XDH: variants seen among roughly 807,000 people sequenced by gnomAD.
The protein encoded by XDH is xanthine dehydrogenase.
In XDH, 138 loss-of-function variants were observed where a neutral mutation model predicts 156.1. That is an observed-to-expected ratio of 0.88 (90% CI 0.77 to 1.02). The LOEUF (loss-of-function observed/expected upper bound fraction) is 1.02. XDH is among the 50% of genes least tolerant of loss of function. The pLI, the probability that XDH is intolerant of heterozygous loss-of-function variation, is 0.00. For synonymous variants in XDH, 669 were observed against 625.7 expected, an observed-to-expected ratio of 1.07 and a Z score of -1.03; for missense variants, 1,849 against 1,684.9, an observed-to-expected ratio of 1.10 and a Z score of -1.71.
chr2:31,341,315 C>T lies in XDH; in HGVS notation c.3585+14G>A. On this transcript the variant is annotated intron_variant, in intron 33 of 35. Coordinates refer to ENST00000379416, the MANE Select transcript of XDH (RefSeq NM_000379.4). ...GGCCAAGTCTGTCACCACCCTGGTC[C>T]CACTGAGCCTCACCTGTCCAATATC... is the stretch of plus-strand genomic sequence containing the variant. 1 of 1,562,902 alleles carries T rather than the reference C, an allele frequency of 6.4e-7. No individual in the cohort carries two copies. Among genetic ancestry groups the T allele is most frequent in the Non-Finnish European group, 8.7e-7 (1 of 1,151,582 alleles).
At chr2:31,344,878 A>T in intron 30 of XDH, 142 bp from the exon 31 acceptor site, 1 of 798,012 alleles carries the variant, frequency 1.3e-6, no homozygotes. Flanking sequence ...ACCTTACCTT[A>T]CATTGTCACT....
intron 9 of XDH, among the ~76,000 whole-genome samples, chr2:31,384,949 C>T (rs139368719): frequency 2.0e-5 from 3 of 152,244 alleles, no homozygotes; most frequent in Middle Eastern, 3.4e-3. Flanking sequence ...AAGGGAGTGG[C>T]GCAGAAGGAA....
At chr2:31,367,153 A>C (rs1234669322) in intron 20 of XDH, among the ~76,000 whole-genome samples, 159 bp from the exon 21 acceptor site, 1 of 152,184 alleles carries the variant, frequency 6.6e-6, no homozygotes, top group African/African-American at 2.4e-5. Flanking sequence ...AAAGGATCCC[A>C]AAGTCTTAGC....
chr2:31,388,639 G>T (rs764197266), intron 6 of XDH, among the ~76,000 whole-genome samples: 1 of 152,204 alleles, frequency 6.6e-6, no homozygotes, highest in Non-Finnish European at 1.5e-5. Context: ...GCGTCTATGA[G>T]GGATATTCCC....
At chr2:31,414,541 G>C in intron 1 of XDH, 84 bp downstream of exon 1, 13 of 1,573,018 alleles carry the variant, frequency 8.3e-6, no homozygotes, top group Non-Finnish European at 1.1e-5. Context: ...AGGAAAGACA[G>C]AGAACAAGAT....
intron 33 of XDH, among the ~76,000 whole-genome samples, chr2:31,340,626 C>T (rs1442936726): frequency 6.6e-6 from 1 of 152,026 alleles, no homozygotes; most frequent in Non-Finnish European, 1.5e-5. Context: ...CATGCCACCA[C>T]ACCCAGCTAA....
intron 24 of XDH, among the ~76,000 whole-genome samples, chr2:31,363,110 G>A (rs1199370711): frequency 2.0e-5 from 3 of 151,986 alleles, no homozygotes; most frequent in Admixed American, 1.3e-4. Flanking sequence ...TCAGGAGTTC[G>A]AGACCAGCCT....
At chr2:31,371,120 A>C (rs1206079698) in intron 17 of XDH, among the ~76,000 whole-genome samples, 1 of 152,214 alleles carries the variant, frequency 6.6e-6, no homozygotes, top group Non-Finnish European at 1.5e-5. Context: ...ATAATTAGGC[A>C]ACACGAACCG....
chr2:31,354,059 G>A (rs193086272), intron 24 of XDH, among the ~76,000 whole-genome samples: 1 of 152,274 alleles, frequency 6.6e-6, no homozygotes, highest in East Asian at 1.9e-4. Context: ...AAGGCTTTTA[G>A]CACAAGCCAG....
At position 31,401,097 on chromosome 2, in the gene XDH, C is replaced by T. The variant is rs1687046702; in HGVS notation, c.306+123G>A. 4.5e-6 allele frequency: 5 copies of T among 1,119,078 alleles called. No individual in the cohort carries two copies. In the East Asian group the frequency reaches 7.7e-5, roughly 17 times the overall value. The allele number at this position is 1,119,078 out of a possible 1,614,324, so 69.3% of individuals were successfully genotyped here. On this transcript the variant is annotated intron_variant, in intron 4 of 35. Transcript: ENST00000379416. Reference sequence around the variant, plus strand: ...TGGGGAGGTGGCCAGGGTGAAATGCCTTCTTAGATTAAGCAGTGAAACTCT... The same window carrying T: ...TGGGGAGGTGGCCAGGGTGAAATGCTTTCTTAGATTAAGCAGTGAAACTCT...
Position 31,335,974 on chromosome 2 carries a change from C to A in XDH, c.3986G>T (p.Trp1329Leu), listed in dbSNP as rs983987593. ...ACTCTCTCTTTAGACCCTCACAGAC[C>A]AGGGTTTGCAGTTTTCTGGGACACC... ...VTGVPENCKPWSVRV is the reference protein window; with the variant it reads ...VTGVPENCKPLSVRV Residue 1329 changes from tryptophan to leucine, a missense_variant, in exon 36 of 36, where the codon TGG becomes TTG. Transcript: ENST00000379416. The A allele has an allele frequency of 6.2e-7, 1 of 1,614,076 alleles. No individual in the cohort carries two copies. The highest frequency in any genetic ancestry group is 8.5e-7 in the Non-Finnish European group (1 of 1,180,048).
chr2:31,345,718 T>C (rs1426417680), intron 30 of XDH, among the ~76,000 whole-genome samples: 3 of 152,136 alleles, frequency 2.0e-5, no homozygotes, highest in East Asian at 1.9e-4. Context: ...TGTGCGTTTG[T>C]GTGTGCGTGC....
intron 13 of XDH, among the ~76,000 whole-genome samples, chr2:31,379,453 T>C (rs1259169126): frequency 6.6e-6 from 1 of 152,244 alleles, no homozygotes. Flanking sequence ...CTAGATGTGT[T>C]CTTGGAATTC....
chr2:31,365,684 T>C, intron 22 of XDH, 140 bp from the exon 23 acceptor site: 1 of 1,084,936 alleles, frequency 9.2e-7, no homozygotes, highest in Non-Finnish European at 1.4e-6. Context: ...CTTTGCCATC[T>C]AGGCACTGTG....
chr2:31,402,914 G>A, intron 3 of XDH, 134 bp downstream of exon 3: 2 of 930,022 alleles, frequency 2.2e-6, no homozygotes, highest in Non-Finnish European at 3.4e-6. Flanking sequence ...GTTTTCCTGT[G>A]CACAGATTCT....
chr2:31,410,842 T>A (rs1031484433), intron 1 of XDH, among the ~76,000 whole-genome samples: 1 of 152,188 alleles, frequency 6.6e-6, no homozygotes, highest in Non-Finnish European at 1.5e-5. Context: ...GGCAACCAAC[T>A]GCAAGGCGTA....
At chr2:31,345,639 G>A (rs569382942) in intron 30 of XDH, among the ~76,000 whole-genome samples, 155 of 152,164 alleles carry the variant, frequency 1.0e-3, no homozygotes, top group African/African-American at 3.6e-3. Flanking sequence ...GGAAAGACTT[G>A]GTCCTAAAAC....
At chr2:31,364,136 G>A (rs1180566710) in intron 24 of XDH, 22 bp downstream of exon 24, 6 of 1,612,370 alleles carry the variant, frequency 3.7e-6, no homozygotes, top group Non-Finnish European at 5.1e-6. Context: ...TGGGTGCAGG[G>A]GCGGCTGCAG....
Position 31,349,702 on chromosome 2 carries a change from C to T in XDH, c.2953G>A (p.Val985Ile), listed in dbSNP as rs771050215. The change falls in exon 26 of 36, where the codon GTT becomes ATT. Residue 985 changes from valine (V) to isoleucine (I), a missense_variant. By Grantham distance (29) the Val-to-Ile change is conservative. Coordinates refer to ENST00000379416, the MANE Select transcript of XDH (RefSeq NM_000379.4). ...AGTGCTTACTTGTTGAACTTGTCAA[C>T]CTCACTCTTCCGAGCATGATACTGA... is the stretch of plus-strand genomic sequence containing the variant. ...SSQYHARKSE[V>I]DKFNKENCWK... 7 of 1,614,140 alleles carry T rather than the reference C, an allele frequency of 4.3e-6. No homozygotes were observed. The highest frequency in any genetic ancestry group is 2.2e-5 in the South Asian group (2 of 91,084).
Sources: allele counts gnomAD v4.1 joint callset (sites outside exome capture counted in the v4.1 genomes callset), GRCh38; gene constraint gnomAD v4.1.1; transcripts MANE v1.5; gene names NCBI Gene and HGNC (gene_info 2026-07-23, HGNC 2026-07-21).